The following SLC25A26 variants were observed in gnomAD, a reference collection of about 807,000 sequenced individuals.
The protein encoded by SLC25A26 is solute carrier family 25 member 26, also known as mitochondrial S-adenosylmethionine carrier protein.
SLC25A26 carries 36 observed loss-of-function variants against 37.8 expected under a neutral mutation model. The observed-to-expected ratio is 0.95, with a 90% CI of 0.73 to 1.26. The LOEUF (loss-of-function observed/expected upper bound fraction) is 1.26, where lower values mean the gene tolerates loss of function less well. Ranked by LOEUF, SLC25A26 falls within the 50% of genes most tolerant of loss-of-function variation. The probability of loss-of-function intolerance (pLI) is 0.00; values close to 1 mark genes in which losing one functional copy is unlikely to be tolerated. For missense variants in SLC25A26, 390 were observed against 331.1 expected (o/e 1.18, Z -1.38); for synonymous variants, 129 against 122.5 (o/e 1.05, Z -0.35).
chr3:66,336,581 G>C (rs889138409), intron 5 of SLC25A26, among the ~76,000 whole-genome samples: 2 of 152,164 alleles, frequency 1.3e-5, no homozygotes, highest in Non-Finnish European at 2.9e-5. Context: ...TGAGTCTTAA[G>C]TTTACCTTCC....
At chr3:66,211,171 G>C (rs2106837219) in intron 1 of SLC25A26, among the ~76,000 whole-genome samples, 2 of 152,308 alleles carry the variant, frequency 1.3e-5, no homozygotes, top group Admixed American at 1.3e-4. Flanking sequence ...TCTAAGAGGG[G>C]ATTCACCTGG....
chr3:66,339,757 T>G (rs1415208211), intron 5 of SLC25A26, among the ~76,000 whole-genome samples: 3 of 152,104 alleles, frequency 2.0e-5, no homozygotes, highest in Admixed American at 1.3e-4. Flanking sequence ...TTCTGGATAT[T>G]AACCCCTTAT....
chr3:66,260,452 T>C (rs1260572110), intron 3 of SLC25A26, among the ~76,000 whole-genome samples: 1 of 152,220 alleles, frequency 6.6e-6, no homozygotes, highest in Admixed American at 6.5e-5. Context: ...TCAGATGATA[T>C]CGTTTTGTAA....
intron 3 of SLC25A26, among the ~76,000 whole-genome samples, chr3:66,254,907 G>A (rs1358972952): frequency 6.6e-6 from 1 of 152,148 alleles, no homozygotes; most frequent in Non-Finnish European, 1.5e-5. Context: ...AGGTATTATT[G>A]GGGATACTTA....
intron 5 of SLC25A26, among the ~76,000 whole-genome samples, chr3:66,283,728 A>C (rs2074419535): frequency 6.6e-6 from 1 of 152,184 alleles, no homozygotes; most frequent in South Asian, 2.1e-4. Context: ...TTTTAATCTT[A>C]GTTGACTCTT....
chr3:66,179,597 A>G (rs564775026), intron 1 of SLC25A26, among the ~76,000 whole-genome samples: 8 of 152,236 alleles, frequency 5.3e-5, no homozygotes, highest in Non-Finnish European at 7.3e-5. Flanking sequence ...TTTCCAATGC[A>G]GAATTTTTAC....
At chr3:66,200,536 T>G (rs2071095889) in intron 1 of SLC25A26, among the ~76,000 whole-genome samples, 1 of 152,234 alleles carries the variant, frequency 6.6e-6, no homozygotes, top group Non-Finnish European at 1.5e-5. Context: ...TGGTTACTGC[T>G]TATTGTGGTT....
chr3:66,236,610 C>A lies in SLC25A26; in HGVS notation c.100C>A (p.Leu34Met). The change falls in exon 2 of 10, where the codon CTG becomes ATG. Residue 34 changes from leucine (L) to methionine (M), a missense_variant. By Grantham distance (15) the Leu-to-Met change is conservative. Coordinates refer to ENST00000354883, the MANE Select transcript of SLC25A26 (RefSeq NM_001379210.1). ...TCCTCTGGATACCATTAAAACCAGGCTGCAGAGTCCCCAAGGATTTAGTAA... is the reference window on the plus strand; with the variant it reads ...TCCTCTGGATACCATTAAAACCAGGATGCAGAGTCCCCAAGGATTTAGTAA... ...LFPLDTIKTRLQSPQGFSKAG... is the reference protein window; with the variant it reads ...LFPLDTIKTRMQSPQGFSKAG... 6.6e-7 allele frequency: 1 copy of A among 1,521,886 alleles called. No homozygotes were observed. The highest frequency in any genetic ancestry group is 2.5e-5 in the East Asian group (1 of 40,772). 94.3% of individuals were successfully genotyped at this position (1,521,886 alleles called of 1,614,324 possible).
At chr3:66,318,304 A>T (rs2075595921) in intron 5 of SLC25A26, among the ~76,000 whole-genome samples, 1 of 152,194 alleles carries the variant, frequency 6.6e-6, no homozygotes, top group South Asian at 2.1e-4. Flanking sequence ...CCCTGGATGC[A>T]TGGGCTCATG....
intron 1 of SLC25A26, among the ~76,000 whole-genome samples, chr3:66,211,142 T>G (rs1200691862): frequency 4.6e-5 from 7 of 152,172 alleles, no homozygotes; most frequent in Non-Finnish European, 8.8e-5. Context: ...CACTCATCTT[T>G]TACAAGAGAT....
chr3:66,319,915 G>A (rs1220032219), intron 5 of SLC25A26, among the ~76,000 whole-genome samples: 1 of 151,712 alleles, frequency 6.6e-6, no homozygotes, highest in East Asian at 1.9e-4. Context: ...CACCACGCCT[G>A]GCTAATTTTT....
intron 5 of SLC25A26, among the ~76,000 whole-genome samples, chr3:66,285,176 A>G (rs1407008245): frequency 1.3e-5 from 2 of 152,200 alleles, no homozygotes; most frequent in Non-Finnish European, 2.9e-5. Context: ...TCATATACAT[A>G]TTTCACAGGA....
chr3:66,255,875 C>A (rs1204798833), intron 3 of SLC25A26, among the ~76,000 whole-genome samples: 1 of 152,134 alleles, frequency 6.6e-6, no homozygotes, highest in African/African-American at 2.4e-5. Context: ...TGTCACCCAG[C>A]AGAAGTCAGG....
chr3:66,332,358 G>A (rs1044977704), intron 5 of SLC25A26, among the ~76,000 whole-genome samples: 2 of 152,022 alleles, frequency 1.3e-5, no homozygotes, highest in Non-Finnish European at 2.9e-5. Flanking sequence ...ATACTTTGCC[G>A]TACATCTGTT....
intron 7 of SLC25A26, among the ~76,000 whole-genome samples, chr3:66,367,129 A>T (rs1369482302): frequency 6.6e-6 from 1 of 152,220 alleles, no homozygotes; most frequent in Admixed American, 6.5e-5. Flanking sequence ...AGATACGAAG[A>T]AAAAGCACTC....
Position 66,328,991 on chromosome 3 carries a change from G to A in SLC25A26, c.454-17373G>A, listed in dbSNP as rs2075906579. Among the ~76,000 whole-genome samples the A allele has an allele frequency of 2.0e-5, 3 of 152,234 alleles. No individual in the cohort carries two copies. In the South Asian group the frequency reaches 6.2e-4, roughly 32 times the overall value. On this transcript the variant is annotated intron_variant, in intron 5 of 9. Coordinates refer to ENST00000354883, the MANE Select transcript of SLC25A26 (RefSeq NM_001379210.1). Reference sequence around the variant, plus strand: ...CTTTTTAAAAGTTTCATTAGAATTAGTTATGTATTATGACGTATTTGTGAA... The same window carrying A: ...CTTTTTAAAAGTTTCATTAGAATTAATTATGTATTATGACGTATTTGTGAA...
intron 6 of SLC25A26, among the ~76,000 whole-genome samples, chr3:66,351,613 C>T (rs570451542): frequency 6.6e-6 from 1 of 152,188 alleles, no homozygotes; most frequent in East Asian, 1.9e-4. Flanking sequence ...TCACCAGCTG[C>T]CTAGTTGACA....
At chr3:66,371,647 G>C (rs1263824787) in intron 9 of SLC25A26, among the ~76,000 whole-genome samples, 1 of 152,156 alleles carries the variant, frequency 6.6e-6, no homozygotes, top group Non-Finnish European at 1.5e-5. Context: ...AGGGCCTAGT[G>C]GGGGGCATGT....
At chr3:66,295,328 A>T (rs538809371) in intron 5 of SLC25A26, among the ~76,000 whole-genome samples, 13 of 151,806 alleles carry the variant, frequency 8.6e-5, no homozygotes, top group African/African-American at 2.9e-4. Flanking sequence ...GGTTCAAGCA[A>T]TTCTCCTGCC....
Sources: gnomAD v4.1 joint callset for allele counts (sites outside exome capture counted in the v4.1 genomes callset) on GRCh38, gnomAD v4.1.1 for gene constraint, MANE v1.5 for transcripts, NCBI Gene and HGNC (gene_info 2026-07-23, HGNC 2026-07-21) for gene names.